PDE10A: variants seen among roughly 807,000 people sequenced by gnomAD.
PDE10A encodes the protein cAMP and cAMP-inhibited cGMP 3',5'-cyclic phosphodiesterase 10A.
A neutral mutation model predicts 97.7 loss-of-function variants in PDE10A; 39 were observed. The observed-to-expected ratio is 0.40, with a 90% CI of 0.31 to 0.52. The LOEUF is 0.52. Ranked by LOEUF, PDE10A falls within the 20% of genes least tolerant of loss-of-function variation. The probability of loss-of-function intolerance (pLI) is 0.56; values close to 1 mark genes in which losing one functional copy is unlikely to be tolerated. For synonymous variants in PDE10A, 371 were observed against 376.8 expected, an observed-to-expected ratio of 0.98 and a Z score of 0.18; for missense variants, 731 against 1,047.8, an observed-to-expected ratio of 0.70 and a Z score of 4.17.
At chr6:165,384,697 T>G in intron 17 of PDE10A, among the ~76,000 whole-genome samples, 1 of 149,780 alleles carries the variant, frequency 6.7e-6, no homozygotes, top group Admixed American at 6.7e-5. Context: ...AAGGTTAGCT[T>G]TTCAAGTCTA....
intron 18 of PDE10A, among the ~76,000 whole-genome samples, chr6:165,359,960 T>C (rs1167599921): frequency 6.6e-6 from 1 of 152,188 alleles, no homozygotes; most frequent in Non-Finnish European, 1.5e-5. Context: ...TGGGTCATGA[T>C]GTCTCCCTTT....
In PDE10A at chr6:165,671,500, G is replaced by A. The variant is rs1239840586; in HGVS notation, c.-614-127932C>T. 3.3e-5 allele frequency among the ~76,000 whole-genome samples: 5 copies of A among 152,080 alleles called. No homozygotes were observed. Among genetic ancestry groups the A allele is most frequent in the Non-Finnish European group, 2.9e-5 (2 of 68,022 alleles). On this transcript the variant is annotated intron_variant, in intron 1 of 19. Transcript: ENST00000366882. The surrounding 1 kb of genome is among the most constrained non-coding windows in gnomAD (Gnocchi z 4.6). ...GAAGAGGAAGCCAGCTGCTCATGCT[G>A]CCACCTTCCCGTTGGCTGCTGTGTA...
chr6:165,541,785 C>A (rs1240350056), intron 2 of PDE10A, among the ~76,000 whole-genome samples: 1 of 152,098 alleles, frequency 6.6e-6, no homozygotes, highest in African/African-American at 2.4e-5. Context: ...GAAGACAATG[C>A]CTGTTTCTGA....
At chr6:165,906,030 T>TTCTTCCCTCCC (rs1782264965) in intron 1 of PDE10A, among the ~76,000 whole-genome samples, 1 of 2,694 alleles carries the variant, frequency 3.7e-4, no homozygotes. Context: ...CCTCCCTTCC[T>TTCTTCCCTCCC]TCCTTCCTTC....
At chr6:165,926,950 A>G (rs1782952429) in intron 1 of PDE10A, among the ~76,000 whole-genome samples, 1 of 152,136 alleles carries the variant, frequency 6.6e-6, no homozygotes, top group South Asian at 2.1e-4. Context: ...TTACTATAGA[A>G]ACAAACTTAT....
At chr6:165,658,084 C>T (rs1450531094) in intron 1 of PDE10A, among the ~76,000 whole-genome samples, 1 of 152,166 alleles carries the variant, frequency 6.6e-6, no homozygotes, top group African/African-American at 2.4e-5. Context: ...GTGTTGTTCT[C>T]GCATTCTTCT....
intron 3 of PDE10A, among the ~76,000 whole-genome samples, chr6:165,464,469 G>T (rs887330230): frequency 6.6e-6 from 1 of 152,116 alleles, no homozygotes; most frequent in Admixed American, 6.6e-5. Context: ...TTTTAGAATT[G>T]CTAAGCCATA....
chr6:165,678,045 ATATG>A (rs1790852939), intron 1 of PDE10A, among the ~76,000 whole-genome samples: 1 of 148,428 alleles, frequency 6.7e-6, no homozygotes, highest in Admixed American at 6.7e-5. Context: ...GGGTGTTTGT[ATATG>A]TGTGTGTTTG....
chr6:165,702,378 T>C lies in PDE10A; in HGVS notation c.-614-158810A>G, dbSNP rs374858576. On this transcript the variant is annotated intron_variant, in intron 1 of 19. Coordinates refer to the PDE10A transcript ENST00000366882. ...TGCTGACATCAATGGGCTTCTCACC[T>C]GAGCGAGGCCCTCACAGCTGATCCT... is the stretch of plus-strand genomic sequence containing the variant. Among the ~76,000 whole-genome samples the C allele has an allele frequency of 7.2e-5, 11 of 152,330 alleles. 1 individual carries two copies. The East Asian group carries it at 1.5e-3, about 21-fold the overall frequency.
At chr6:165,337,763 A>G (rs1781735750) in intron 20 of PDE10A, among the ~76,000 whole-genome samples, 1 of 152,236 alleles carries the variant, frequency 6.6e-6, no homozygotes, top group Non-Finnish European at 1.5e-5. Flanking sequence ...AGCAAAACCC[A>G]TATGCTGACA....
intron 1 of PDE10A, among the ~76,000 whole-genome samples, chr6:165,733,297 T>C (rs1436739708): frequency 6.6e-6 from 1 of 152,210 alleles, no homozygotes; most frequent in Non-Finnish European, 1.5e-5. Flanking sequence ...TTTTCTTATA[T>C]ATCATTTTAG....
At chr6:165,672,096 A>G (rs1192411207) in intron 1 of PDE10A, among the ~76,000 whole-genome samples, 2 of 152,238 alleles carry the variant, frequency 1.3e-5, no homozygotes, top group African/African-American at 4.8e-5. Context: ...TCCCATGAAC[A>G]CTGAAAATTG....
intron 18 of PDE10A, among the ~76,000 whole-genome samples, chr6:165,348,278 T>C (rs1348924653): frequency 1.3e-5 from 2 of 152,214 alleles, no homozygotes; most frequent in Non-Finnish European, 2.9e-5. Context: ...AGTAAAAATT[T>C]TAAAAACTAC....
At chr6:165,826,706 C>T (rs113934411) in intron 1 of PDE10A, among the ~76,000 whole-genome samples, 8 of 151,344 alleles carry the variant, frequency 5.3e-5, no homozygotes, top group Admixed American at 2.6e-4. Flanking sequence ...TGGGAGCGGG[C>T]GCGTGGTACT....
Position 165,445,245 on chromosome 6 carries a change from C to A in PDE10A, c.1194+3683G>T, listed in dbSNP as rs557828636. Among the ~76,000 whole-genome samples, 8 of 152,246 alleles carry A rather than the reference C, an allele frequency of 5.3e-5. No individual in the cohort carries two copies. The East Asian group carries it at 1.5e-3, about 29-fold the overall frequency. ...CATTTGGCTGACACTTTTGAAAAAACAATTTGAAATTTATTTAAAGGCTGC... is the reference window on the plus strand; with the variant it reads ...CATTTGGCTGACACTTTTGAAAAAAAAATTTGAAATTTATTTAAAGGCTGC... On this transcript the variant is annotated intron_variant, in intron 5 of 21. Coordinates refer to ENST00000539869, the MANE Select transcript of PDE10A (RefSeq NM_001385079.1).
intron 1 of PDE10A, among the ~76,000 whole-genome samples, chr6:165,978,084 G>A (rs1385704233): frequency 2.6e-5 from 4 of 152,158 alleles, no homozygotes; most frequent in South Asian, 2.1e-4. Context: ...CTGTGGGAAG[G>A]GACCTGATGA....
chr6:165,985,873 C>T (rs976713574), intron 1 of PDE10A, among the ~76,000 whole-genome samples: 2 of 135,760 alleles, frequency 1.5e-5, no homozygotes, highest in Non-Finnish European at 3.1e-5. Context: ...AGCTTCAAGT[C>T]CACGCAGATC....
At chr6:165,803,506 G>A (rs1779037660) in intron 1 of PDE10A, among the ~76,000 whole-genome samples, 1 of 152,188 alleles carries the variant, frequency 6.6e-6, no homozygotes, top group Non-Finnish European at 1.5e-5. Flanking sequence ...TGCAAACCAT[G>A]TTCATGTCTA....
chr6:165,805,380 G>A (rs1450191156), intron 1 of PDE10A, among the ~76,000 whole-genome samples: 1 of 152,160 alleles, frequency 6.6e-6, no homozygotes, highest in Non-Finnish European at 1.5e-5. Flanking sequence ...GGAAGAAGGC[G>A]CAGGTGCGAA....
Sources: gnomAD v4.1 joint callset for allele counts (sites outside exome capture counted in the v4.1 genomes callset) on GRCh38, gnomAD v4.1.1 for gene constraint, Gnocchi (gnomAD v3.1) non-coding constraint, MANE v1.5 for transcripts, NCBI Gene and HGNC (gene_info 2026-07-23, HGNC 2026-07-21) for gene names.